CASC3: variants seen among roughly 807,000 people sequenced by gnomAD.
The protein encoded by CASC3 is CASC3 exon junction complex subunit, also known as protein CASC3.
Under a neutral mutation model 80.5 loss-of-function variants are expected in CASC3, and 30 were observed. The ratio of observed to expected loss-of-function variants is 0.37; its 90% CI spans 0.28 to 0.51. The LOEUF is 0.51. Among genes scored for constraint, CASC3 ranks in the 20% least tolerant of loss-of-function variants. CASC3 has a pLI of 0.94. For synonymous variants in CASC3, 312 were observed against 333.6 expected (o/e 0.94, Z 0.70); for missense variants, 824 against 922.2 (o/e 0.89, Z 1.38).
chr17:40,141,724 A>G (rs571213652), intron 3 of CASC3, 117 bp downstream of exon 3: 6 of 827,050 alleles, frequency 7.3e-6, no homozygotes, highest in South Asian at 3.0e-5. Flanking sequence ...TGTATTCTTC[A>G]TTTATGCTTC....
chr17:40,155,039 G>A (rs1213071669), intron 3 of CASC3, among the ~76,000 whole-genome samples: 6 of 151,784 alleles, frequency 4.0e-5, no homozygotes, highest in Admixed American at 2.0e-4. Flanking sequence ...ACAGGCACCC[G>A]CCACCACGCC....
chr17:40,166,865 C>G lies in CASC3; in HGVS notation c.1536+4C>G, dbSNP rs972761752. On this transcript the variant is annotated splice_donor_region_variant and intron_variant, in intron 8 of 13. Transcript: ENST00000264645. ...GTTTAACCGGATGGAAGAAATGGTA[C>G]AGAAGGGGAAAGGGGTAGATGGGGG... 1.4e-5 allele frequency: 22 copies of G among 1,604,710 alleles called. No homozygotes were observed. The highest frequency in any genetic ancestry group is 1.7e-5 in the Non-Finnish European group (20 of 1,175,906).
Position 40,171,038 on chromosome 17 carries a change from T to C in CASC3, c.*633T>C. The stretch of plus-strand genomic sequence containing the variant: ...TTTTAGTTGGCATTTGTTATCCTCT[T>C]GTATACTTGTATTCCCTTAACTCTA... On this transcript the variant is annotated 3_prime_UTR_variant, in exon 14 of 14. Coordinates refer to ENST00000264645, the MANE Select transcript of CASC3 (RefSeq NM_007359.5). 2 of 985,546 alleles carry C rather than the reference T, an allele frequency of 2.0e-6. No homozygotes were observed. Among genetic ancestry groups the C allele is most frequent in the Non-Finnish European group, 2.4e-6 (2 of 829,924 alleles). 61.1% of individuals were successfully genotyped at this position (985,546 alleles called of 1,614,324 possible).
chr17:40,169,327 C>T lies in CASC3; in HGVS notation c.1969C>T (p.Pro657Ser), dbSNP rs559102541. Reference sequence around the variant, plus strand: ...CTCCTGGCTTGTGGGGTCCCAGGCCCCATCACAGGTATATGGAGGAGTGAC... The same window carrying T: ...CTCCTGGCTTGTGGGGTCCCAGGCCTCATCACAGGTATATGGAGGAGTGAC... The part of the protein sequence containing the change: ...PPHLYPNTQA[P>S]SQVYGGVTYY... Residue 657 changes from proline (P) to serine (S), a missense_variant, in exon 12 of 14, where the codon CCA becomes TCA. Pro to Ser is a moderately conservative substitution (Grantham distance 74, BLOSUM62 -1). This residue lies in a region of CASC3 where 464 missense variants were observed against 506.0 expected (regional missense o/e 0.92). Transcript: ENST00000264645. The T allele has an allele frequency of 1.3e-6, 2 of 1,586,708 alleles. No homozygotes were observed. The highest frequency in any genetic ancestry group is 1.9e-5 in the Admixed American group (1 of 53,726).
chr17:40,166,619 G>A (rs1989455007), intron 7 of CASC3, among the ~76,000 whole-genome samples, 178 bp from the exon 8 acceptor site: 1 of 152,116 alleles, frequency 6.6e-6, no homozygotes, highest in Non-Finnish European at 1.5e-5. Context: ...CAGACAGTGG[G>A]GACAAATTTC....
At position 40,170,457 on chromosome 17, in the gene CASC3, G is replaced by A; in HGVS notation, c.*52G>A. Reference sequence around the variant, plus strand: ...TCCAACCCCTGTCAGAGCAGCAGAGGTGAGAACTCAGAAGAGAAATACAGC... The same window carrying A: ...TCCAACCCCTGTCAGAGCAGCAGAGATGAGAACTCAGAAGAGAAATACAGC... On this transcript the variant is annotated 3_prime_UTR_variant, in exon 14 of 14. Transcript: ENST00000264645. 1.0e-6 allele frequency: 1 copy of A among 985,574 alleles called. No homozygotes were observed. Among genetic ancestry groups the A allele is most frequent in the Non-Finnish European group, 1.2e-6 (1 of 829,958 alleles). The allele number at this position is 985,574 out of a possible 1,614,324, so 61.1% of individuals were successfully genotyped here. A position where few individuals can be genotyped will look rare whatever the true frequency, so the allele number is the denominator to read the frequency against.
At chr17:40,141,077 G>A in intron 1 of CASC3, 130 bp from the exon 2 acceptor site, 1 of 877,486 alleles carries the variant, frequency 1.1e-6, no homozygotes. Flanking sequence ...ACTTGATAAA[G>A]ATTTACCTAT....
intron 3 of CASC3, among the ~76,000 whole-genome samples, chr17:40,161,256 C>T (rs1191555821): frequency 2.0e-5 from 3 of 152,050 alleles, no homozygotes; most frequent in African/African-American, 4.8e-5. Context: ...TGATTACAGG[C>T]GTGAGCCACT....
rs1356099216 is a variant in CASC3, at chr17:40,159,710, AATTTT to A, written c.298-2042_298-2038del. Among the ~76,000 whole-genome samples the A allele has an allele frequency of 5.2e-5, 7 of 134,160 alleles. 1 individual carries two copies. The highest frequency in any genetic ancestry group is 1.8e-4 in the African/African-American group (6 of 33,932). The allele number at this position is 134,160 out of a possible 152,430, so 88.0% of individuals were successfully genotyped here. A position where few individuals can be genotyped will look rare whatever the true frequency, so the allele number is the denominator to read the frequency against. On this transcript the variant is annotated intron_variant, in intron 3 of 13. Transcript: ENST00000264645. ...TAGGCGCACACCACCATTCCTGGCG[AATTTT>A]TTTTTTTTTTTTTTTTTTTTTGACA... is the stretch of plus-strand genomic sequence containing the variant.
chr17:40,163,793 A>G lies in CASC3; in HGVS notation c.1098A>G (p.Ala366=). The G allele has an allele frequency of 6.2e-7, 1 of 1,614,178 alleles. No individual in the cohort carries two copies. Residue 366 remains alanine, a synonymous_variant, in exon 7 of 14, where the codon GCA becomes GCG. Coordinates refer to ENST00000264645, the MANE Select transcript of CASC3 (RefSeq NM_007359.5). ...CTGTGAGGGATCCATCTCCAGAAGC[A>G]GATGCTCCAGTGCTTGGCAGTCCTG... The part of the protein sequence containing the change: ...QTSVRDPSPE[A]DAPVLGSPEK...
intron 3 of CASC3, among the ~76,000 whole-genome samples, chr17:40,149,873 C>T (rs191031189): frequency 1.3e-5 from 2 of 151,088 alleles, no homozygotes; most frequent in Admixed American, 1.3e-4. Flanking sequence ...GGCATGGTGG[C>T]GGGCACTTGA....
At chr17:40,151,089 G>A (rs930083456) in intron 3 of CASC3, among the ~76,000 whole-genome samples, 3 of 152,160 alleles carry the variant, frequency 2.0e-5, no homozygotes, top group African/African-American at 4.8e-5. Context: ...TTTATAAAGT[G>A]CATAATTTAG....
chr17:40,159,595 G>A lies in CASC3; in HGVS notation c.298-2158G>A, dbSNP rs554405308. 1.2e-4 allele frequency among the ~76,000 whole-genome samples: 18 copies of A among 149,310 alleles called. No individual in the cohort carries two copies. The South Asian group carries it at 3.4e-3, about 28-fold the overall frequency. On this transcript the variant is annotated intron_variant, in intron 3 of 13. Coordinates refer to ENST00000264645, the MANE Select transcript of CASC3 (RefSeq NM_007359.5). ...GGATCTCTCTCTGTTGCTAAGACTG[G>A]AGCGCAGTGGCACAATTATGGCTCA...
At position 40,172,091 on chromosome 17, in the gene CASC3, T is replaced by G. The variant is rs561909893; in HGVS notation, c.*1686T>G. 4.9e-5 allele frequency: 63 copies of G among 1,289,326 alleles called. No individual in the cohort carries two copies. The African/African-American group carries it at 6.4e-4, about 13-fold the overall frequency. The allele number at this position is 1,289,326 out of a possible 1,614,324, so 79.9% of individuals were successfully genotyped here. ...AAGGATTTTTCCATGTGTGGTGGTGTTTTTTGTTACTGTTTTAAAGGGTGC... is the reference window on the plus strand; with the variant it reads ...AAGGATTTTTCCATGTGTGGTGGTGGTTTTTGTTACTGTTTTAAAGGGTGC... On this transcript the variant is annotated 3_prime_UTR_variant, in exon 14 of 14. Coordinates refer to ENST00000264645, the MANE Select transcript of CASC3 (RefSeq NM_007359.5).
rs1168669347 is a variant in CASC3 at position 40,164,006 on chromosome 17, C to T, written c.1311C>T (p.Val437=). 3.1e-6 allele frequency: 5 copies of T among 1,614,026 alleles called. No homozygotes were observed. In the East Asian group the frequency reaches 1.1e-4, roughly 36 times the overall value. The change falls in exon 7 of 14, where the codon GTC becomes GTT. Residue 437 remains valine, a synonymous_variant. Transcript: ENST00000264645. The part of the protein sequence containing the change: ...PPEGLIPAPP[V]PETTPTPPTK... ...AAGGACTGATTCCAGCACCTCCAGT[C>T]CCAGAAACCACCCCAACTCCACCTA...
chr17:40,141,099 T>C, intron 1 of CASC3, 108 bp from the exon 2 acceptor site: 1 of 1,053,396 alleles, frequency 9.5e-7, no homozygotes, highest in Non-Finnish European at 1.5e-6. Flanking sequence ...TCTGTCTCCC[T>C]CTCCAACCAT....
In CASC3 at chr17:40,140,623, C is replaced by T. The variant is rs560982223; in HGVS notation, c.75C>T (p.Ser25=). 1.4e-5 allele frequency: 23 copies of T among 1,610,420 alleles called. No homozygotes were observed. Among genetic ancestry groups the T allele is most frequent in the African/African-American group, 5.3e-5 (4 of 74,836 alleles). The change falls in exon 1 of 14, where the codon AGC becomes AGT. Residue 25 remains serine, a synonymous_variant. Transcript: ENST00000264645. ...AATCTGGTGCTTCGGGCTCCGACAGCGGCGGCTCCCCGTTGCGGGGAGGCG... is the reference window on the plus strand; with the variant it reads ...AATCTGGTGCTTCGGGCTCCGACAGTGGCGGCTCCCCGTTGCGGGGAGGCG... ...DEESGASGSD[S]GGSPLRGGGS... is the part of the protein sequence containing the mutation.
intron 3 of CASC3, among the ~76,000 whole-genome samples, chr17:40,145,047 GATGGGGTTTCACC>G (rs1490629508): frequency 6.6e-6 from 1 of 151,520 alleles, no homozygotes; most frequent in East Asian, 1.9e-4. Flanking sequence ...TTTTAGTAGA[GATGGGGTTTCACC>G]ATGTTGGTCA....
chr17:40,164,430 A>ATTTT (rs111608494), intron 7 of CASC3, among the ~76,000 whole-genome samples: 45 of 145,336 alleles, frequency 3.1e-4, no homozygotes, highest in African/African-American at 1.1e-3. Context: ...CGCCCAGCTA[A>ATTTT]TTTTTTTTTT....
Sources: gnomAD v4.1 joint callset for allele counts (sites outside exome capture counted in the v4.1 genomes callset) on GRCh38, gnomAD v4.1.1 for gene constraint, gnomAD v4.1.1 regional missense constraint, MANE v1.5 for transcripts, NCBI Gene and HGNC (gene_info 2026-07-23, HGNC 2026-07-21) for gene names.